The following NDFIP2 variants were observed in gnomAD, a reference collection of about 807,000 sequenced individuals.
The protein encoded by NDFIP2 is Nedd4 family interacting protein 2, also known as NEDD4 family-interacting protein 2.
In NDFIP2, 19 loss-of-function variants were observed where a neutral mutation model predicts 36.0. That is an observed-to-expected ratio of 0.53 (90% CI 0.37 to 0.77). The LOEUF is 0.77. Ranked by LOEUF, NDFIP2 falls within the 30% of genes least tolerant of loss-of-function variation. The probability of loss-of-function intolerance (pLI) is 0.00; values close to 1 mark genes in which losing one functional copy is unlikely to be tolerated. For synonymous variants in NDFIP2, 181 were observed against 167.7 expected (o/e 1.08, Z -0.61); for missense variants, 446 against 435.8 (o/e 1.02, Z -0.21).
intron 1 of NDFIP2, among the ~76,000 whole-genome samples, chr13:79,511,588 T>G (rs1874086119): frequency 6.6e-6 from 1 of 152,206 alleles, no homozygotes. Context: ...TGTGTGATAC[T>G]GAATCTTGAG....
At chr13:79,522,021 G>A (rs1594851812) in intron 2 of NDFIP2, among the ~76,000 whole-genome samples, 1 of 151,794 alleles carries the variant, frequency 6.6e-6, no homozygotes, top group Non-Finnish European at 1.5e-5. Flanking sequence ...GTAGAGACAG[G>A]GTTTCACCAT....
At chr13:79,539,796 AT>A in intron 4 of NDFIP2, 21 bp downstream of exon 4, 2 of 1,604,854 alleles carry the variant, frequency 1.2e-6, no homozygotes, top group Non-Finnish European at 1.7e-6. Context: ...TTCCTAAACT[AT>A]TTTGGGTTGT....
intron 1 of NDFIP2, among the ~76,000 whole-genome samples, chr13:79,496,717 A>G (rs536650894): frequency 6.6e-6 from 1 of 151,970 alleles, no homozygotes; most frequent in African/African-American, 2.4e-5. Flanking sequence ...GCTCTGTTGT[A>G]TTACAATTTT....
At position 79,552,834 on chromosome 13, in the gene NDFIP2, G is replaced by A. The variant is rs1319382861; in HGVS notation, c.*321G>A. ...ATCAGTGTTTGATATAATTGAAAGAGTTGAGTGGATAAACAGTCTTCCAGC... is the reference window on the plus strand; with the variant it reads ...ATCAGTGTTTGATATAATTGAAAGAATTGAGTGGATAAACAGTCTTCCAGC... On this transcript the variant is annotated 3_prime_UTR_variant, in exon 8 of 8. Transcript: ENST00000218652. 6.6e-6 allele frequency: 1 copy of A among 151,892 alleles called. No individual in the cohort carries two copies. The highest frequency in any genetic ancestry group is 1.5e-5 in the Non-Finnish European group (1 of 67,498). 9.4% of individuals were successfully genotyped at this position (151,892 alleles called of 1,614,324 possible). A position where few individuals can be genotyped will look rare whatever the true frequency, so the allele number is the denominator to read the frequency against.
intron 3 of NDFIP2, 98 bp downstream of exon 3, chr13:79,533,554 A>C: frequency 8.5e-7 from 1 of 1,171,662 alleles, no homozygotes; most frequent in Non-Finnish European, 1.1e-6. Context: ...GTAAGTGTGT[A>C]TGTAGATTTT....
At position 79,542,512 on chromosome 13, in the gene NDFIP2, G is replaced by GT. The variant is rs1291989853; in HGVS notation, c.716-1036dup. ...GTTTTTTTGTGTTGTTCTGTTTTTTGTTTTTTTTTTCAGACATTCTAATAG... is the reference window on the plus strand; with the variant it reads ...GTTTTTTTGTGTTGTTCTGTTTTTTGTTTTTTTTTTTCAGACATTCTAATAG... On this transcript the variant is annotated intron_variant, in intron 4 of 7. Coordinates refer to ENST00000218652, the MANE Select transcript of NDFIP2 (RefSeq NM_019080.3). 1.4e-3 allele frequency among the ~76,000 whole-genome samples: 204 copies of GT among 143,112 alleles called. 1 individual carries two copies. The highest frequency in any genetic ancestry group is 3.6e-3 in the Middle Eastern group (1 of 280). 93.9% of individuals were successfully genotyped at this position (143,112 alleles called of 152,430 possible).
chr13:79,497,097 C>G (rs139704823), intron 1 of NDFIP2, among the ~76,000 whole-genome samples: 17 of 152,066 alleles, frequency 1.1e-4, no homozygotes, highest in African/African-American at 4.1e-4. Context: ...TATTCTGGAT[C>G]TTCTGAATAT....
In NDFIP2 at chr13:79,555,078, A is replaced by AT. The variant is rs1876058719; in HGVS notation, c.*2566dup. ...CTAATCTTTAGCCTATTTTGAGTCTATAAGATATATTTCATTTTAGACATG... is the reference window on the plus strand; with the variant it reads ...CTAATCTTTAGCCTATTTTGAGTCTATTAAGATATATTTCATTTTAGACATG... On this transcript the variant is annotated 3_prime_UTR_variant, in exon 8 of 8. Transcript: ENST00000218652. 6.6e-6 allele frequency: 1 copy of AT among 151,626 alleles called. No individual in the cohort carries two copies. The highest frequency in any genetic ancestry group is 2.4e-5 in the African/African-American group (1 of 41,324). 9.4% of individuals were successfully genotyped at this position (151,626 alleles called of 1,614,324 possible).
intron 1 of NDFIP2, among the ~76,000 whole-genome samples, chr13:79,501,141 A>T (rs760810102): frequency 2.6e-5 from 4 of 152,056 alleles, no homozygotes; most frequent in Non-Finnish European, 5.9e-5. Context: ...TAAAACGATC[A>T]GTGGTTGCCA....
intron 2 of NDFIP2, among the ~76,000 whole-genome samples, chr13:79,531,917 G>A (rs1875032215): frequency 6.6e-6 from 1 of 152,224 alleles, no homozygotes; most frequent in African/African-American, 2.4e-5. Flanking sequence ...GCTGTTTGGA[G>A]CAAGAGGTCT....
intron 1 of NDFIP2, among the ~76,000 whole-genome samples, chr13:79,515,993 T>A (rs555743149): frequency 6.6e-6 from 1 of 151,860 alleles, no homozygotes; most frequent in Non-Finnish European, 1.5e-5. Flanking sequence ...TGTCATCTGC[T>A]CTAATATTCC....
At chr13:79,533,258 G>T in intron 2 of NDFIP2, 65 bp from the exon 3 acceptor site, 1 of 1,508,198 alleles carries the variant, frequency 6.6e-7, no homozygotes, top group Non-Finnish European at 9.0e-7. Flanking sequence ...AAATTATTAA[G>T]TCATGGCTAT....
intron 1 of NDFIP2, among the ~76,000 whole-genome samples, chr13:79,516,244 TTTTTGTTTTG>T (rs111237476): frequency 2.0e-5 from 3 of 151,760 alleles, no homozygotes; most frequent in Non-Finnish European, 4.4e-5. Flanking sequence ...AGTAAAAAAG[TTTTTGTTTTG>T]TTTTGTTTTG....
intron 1 of NDFIP2, among the ~76,000 whole-genome samples, chr13:79,499,057 A>G (rs1273847238): frequency 6.6e-6 from 1 of 151,988 alleles, no homozygotes; most frequent in Non-Finnish European, 1.5e-5. Flanking sequence ...ATATGCCATG[A>G]CCAAATGGGA....
At chr13:79,510,531 A>T (rs1347968641) in intron 1 of NDFIP2, among the ~76,000 whole-genome samples, 1 of 152,134 alleles carries the variant, frequency 6.6e-6, no homozygotes, top group African/African-American at 2.4e-5. Context: ...GAAGATACAC[A>T]CAGGGGAGAA....
chr13:79,513,583 T>G (rs1432765071), intron 1 of NDFIP2, among the ~76,000 whole-genome samples: 2 of 152,174 alleles, frequency 1.3e-5, no homozygotes, highest in African/African-American at 4.8e-5. Flanking sequence ...CAGAAGACTT[T>G]GAGAGGGTGA....
At chr13:79,483,687 G>T (rs546943461) in intron 1 of NDFIP2, among the ~76,000 whole-genome samples, 1 of 152,318 alleles carries the variant, frequency 6.6e-6, no homozygotes, top group African/African-American at 2.4e-5. Flanking sequence ...TAGCAGTGAT[G>T]CTCAGGGTCA....
chr13:79,518,795 C>A (rs894537242), intron 1 of NDFIP2, among the ~76,000 whole-genome samples: 1 of 151,996 alleles, frequency 6.6e-6, no homozygotes, highest in African/African-American at 2.4e-5. Flanking sequence ...ACATGCTGAT[C>A]TTTCTTTTTT....
At chr13:79,498,870 G>T (rs1173239138) in intron 1 of NDFIP2, among the ~76,000 whole-genome samples, 6 of 151,774 alleles carry the variant, frequency 4.0e-5, no homozygotes, top group African/African-American at 1.2e-4. Context: ...ATTTCAATTC[G>T]CTACAGTCTT....
Sources: allele counts gnomAD v4.1 joint callset (sites outside exome capture counted in the v4.1 genomes callset), GRCh38; gene constraint gnomAD v4.1.1; transcripts MANE v1.5; gene names NCBI Gene and HGNC (gene_info 2026-07-23, HGNC 2026-07-21).